Variants in CKM observed in about 807,000 individuals in gnomAD.
CKM encodes creatine kinase M-type.
Under a neutral mutation model 35.4 loss-of-function variants are expected in CKM, and 28 were observed. That is an observed-to-expected ratio of 0.79 (90% CI 0.59 to 1.08). The LOEUF (loss-of-function observed/expected upper bound fraction) is 1.08. CKM is among the 50% of genes least tolerant of loss of function. The probability of loss-of-function intolerance (pLI) is 0.00; values close to 1 mark genes in which losing one functional copy is unlikely to be tolerated. For missense variants in CKM, 484 were observed against 509.8 expected, an observed-to-expected ratio of 0.95 and a Z score of 0.49; for synonymous variants, 215 against 204.4, an observed-to-expected ratio of 1.05 and a Z score of -0.44.
chr19:45,319,299 G>A (rs1205611335), intron 2 of CKM, among the ~76,000 whole-genome samples: 2 of 152,218 alleles, frequency 1.3e-5, no homozygotes, highest in Non-Finnish European at 2.9e-5. Flanking sequence ...CCTCCTTGGG[G>A]ATCTCACATT....
rs1251729483 is a variant in CKM at position 45,306,627 on chromosome 19, G to A, written c.*123C>T. ...TGAAACTGGAACTCTGAGAAGGGTG[G>A]AGAGAGCCCCCAGGTGGGACTCTGG... is the stretch of plus-strand genomic sequence containing the variant. On this transcript the variant is annotated 3_prime_UTR_variant, in exon 8 of 8. Transcript: ENST00000221476. This position sits in a 1 kb window ranked among gnomAD's most constrained non-coding sequence, Gnocchi z 4.5. The A allele has an allele frequency of 4.1e-6, 4 of 984,620 alleles. No homozygotes were observed. The highest frequency in any genetic ancestry group is 1.8e-5 in the Admixed American group (1 of 56,170). 61.0% of individuals were successfully genotyped at this position (984,620 alleles called of 1,614,324 possible). A position where few individuals can be genotyped will look rare whatever the true frequency, so the allele number is the denominator to read the frequency against.
chr19:45,312,054 C>A (rs947966267), intron 4 of CKM, 134 bp from the exon 5 acceptor site: 5 of 974,888 alleles, frequency 5.1e-6, no homozygotes, highest in Non-Finnish European at 7.9e-6. Flanking sequence ...GGCACCTGAA[C>A]CCTGTGTCTA....
rs774126858 is a variant in CKM, at chr19:45,306,952, G to A, written c.968-24C>T. Reference sequence around the variant, plus strand: ...ACCTGTGGGAGCAAGGGACAGGGGCGTGAAGAGGCAGCGAAGGTGCAGAGG... The same window carrying A: ...ACCTGTGGGAGCAAGGGACAGGGGCATGAAGAGGCAGCGAAGGTGCAGAGG... On this transcript the variant is annotated intron_variant, in intron 7 of 7. Transcript: ENST00000221476. The surrounding 1 kb of genome is among the most constrained non-coding windows in gnomAD (Gnocchi z 4.5). 1.2e-5 allele frequency: 19 copies of A among 1,612,090 alleles called. No individual in the cohort carries two copies. Among genetic ancestry groups the A allele is most frequent in the African/African-American group, 5.3e-5 (4 of 74,936 alleles).
rs896089502 is a variant in CKM, at chr19:45,319,425, GGCCCC to G, written c.193+91_193+95del. Reference sequence around the variant, plus strand: ...CCCATTTTACAGATGAGAAAACTGAGGCCCCCCCCCCTTCAAGGGTGGTGGGATTG... The same window carrying G: ...CCCATTTTACAGATGAGAAAACTGAGCCCCCCTTCAAGGGTGGTGGGATTG... On this transcript the variant is annotated intron_variant, in intron 2 of 7. Coordinates refer to ENST00000221476, the MANE Select transcript of CKM (RefSeq NM_001824.5). The G allele has an allele frequency of 4.2e-6, 4 of 941,868 alleles. No individual in the cohort carries two copies. The African/African-American group carries it at 6.6e-5, about 16-fold the overall frequency. 58.3% of individuals were successfully genotyped at this position (941,868 alleles called of 1,614,324 possible). A position where few individuals can be genotyped will look rare whatever the true frequency, so the allele number is the denominator to read the frequency against.
At chr19:45,310,160 G>A (rs958429509) in intron 5 of CKM, among the ~76,000 whole-genome samples, 9 of 115,436 alleles carry the variant, frequency 7.8e-5, no homozygotes, top group Non-Finnish European at 1.2e-4. Flanking sequence ...TTGGTCTGTC[G>A]CCCAGGCTGG....
In CKM at chr19:45,306,979, G is replaced by T. The variant is rs765847922; in HGVS notation, c.968-51C>A. Reference sequence around the variant, plus strand: ...GAAGAGGCAGCGAAGGTGCAGAGGGGCTGGGACGTGGCCCCCGTGCCAAAT... The same window carrying T: ...GAAGAGGCAGCGAAGGTGCAGAGGGTCTGGGACGTGGCCCCCGTGCCAAAT... On this transcript the variant is annotated intron_variant, in intron 7 of 7. Coordinates refer to ENST00000221476, the MANE Select transcript of CKM (RefSeq NM_001824.5). This position sits in a 1 kb window ranked among gnomAD's most constrained non-coding sequence, Gnocchi z 4.5. The T allele has an allele frequency of 1.3e-6, 2 of 1,594,718 alleles. No individual in the cohort carries two copies. The highest frequency in any genetic ancestry group is 1.7e-6 in the Non-Finnish European group (2 of 1,168,258).
intron 4 of CKM, among the ~76,000 whole-genome samples, chr19:45,313,331 G>A (rs1015597773): frequency 3.9e-5 from 6 of 152,018 alleles, no homozygotes; most frequent in African/African-American, 1.4e-4. Flanking sequence ...ATTTTGGGGG[G>A]TGCCACCGAC....
At chr19:45,311,168 G>A (rs1289545764) in intron 5 of CKM, among the ~76,000 whole-genome samples, 1 of 149,864 alleles carries the variant, frequency 6.7e-6, no homozygotes. Flanking sequence ...CCCTCCTGCT[G>A]CAGCCTCCCA....
intron 1 of CKM, among the ~76,000 whole-genome samples, chr19:45,322,092 G>A (rs1971218175): frequency 6.6e-6 from 1 of 151,946 alleles, no homozygotes; most frequent in African/African-American, 2.4e-5. Flanking sequence ...GGGAGGACAC[G>A]GGTCCAGGCC....
intron 6 of CKM, 30 bp downstream of exon 6, chr19:45,308,379 A>G (rs1971075466): frequency 6.2e-7 from 1 of 1,613,872 alleles, no homozygotes; most frequent in African/African-American, 1.3e-5. Context: ...AGGTGGAGTC[A>G]GAAGTCAGCA....
intron 3 of CKM, among the ~76,000 whole-genome samples, chr19:45,316,271 C>T (rs1418552861): frequency 1.3e-5 from 2 of 149,184 alleles, no homozygotes; most frequent in South Asian, 2.1e-4. Flanking sequence ...CAGGGGTTTC[C>T]GTGAGCTGAG....
At chr19:45,311,626 G>T (rs746306493) in intron 5 of CKM, 123 bp downstream of exon 5, 3 of 815,048 alleles carry the variant, frequency 3.7e-6, no homozygotes, top group African/African-American at 1.7e-5. Context: ...ATCATTTTCC[G>T]TGGCATTTAG....
chr19:45,322,429 G>A (rs940940976), intron 1 of CKM, among the ~76,000 whole-genome samples: 4 of 152,198 alleles, frequency 2.6e-5, no homozygotes, highest in Admixed American at 2.6e-4. Context: ...ACCTGCTCTT[G>A]CAGACTCTGC....
chr19:45,312,439 T>C (rs1050502028), intron 4 of CKM, among the ~76,000 whole-genome samples: 3 of 150,768 alleles, frequency 2.0e-5, no homozygotes. Context: ...TTTTTTTTTA[T>C]GAGACGGAGT....
At chr19:45,320,304 C>T (rs891104149) in intron 1 of CKM, among the ~76,000 whole-genome samples, 3 of 150,404 alleles carry the variant, frequency 2.0e-5, no homozygotes, top group South Asian at 2.1e-4. Context: ...TACTGGTTGG[C>T]CAGGCTGGTC....
intron 5 of CKM, 99 bp downstream of exon 5, chr19:45,311,650 C>T (rs7260359): frequency 0.48 from 466,771 of 967,558 alleles, 119,994 homozygotes; most frequent in African/African-American, 0.78. Context: ...ATCATAATTA[C>T]GTATATGGCC....
intron 7 of CKM, 125 bp from the exon 8 acceptor site, chr19:45,307,053 C>A (rs1599813221): frequency 1.1e-6 from 1 of 897,778 alleles, no homozygotes; most frequent in Non-Finnish European, 1.8e-6. Flanking sequence ...GTTACCTGCA[C>A]ACAGGTAATG....
intron 4 of CKM, 80 bp from the exon 5 acceptor site, chr19:45,312,000 C>A (rs1199977998): frequency 1.3e-6 from 2 of 1,516,016 alleles, no homozygotes; most frequent in African/African-American, 2.7e-5. Context: ...TCCCCTGCTG[C>A]TGCTCCTAAC....
chr19:45,307,466 C>G lies in CKM; in HGVS notation c.962G>C (p.Gly321Ala). ...ILTRLRLQKR[G>A]TGGVDTAAVG... ...AAAGGATGTGGGAGCCGTACCTGTA[C>G]CCCTCTTCTGCAGACGCAGGCGGGT... The change falls in exon 7 of 8, where the codon GGT becomes GCT. Residue 321 changes from glycine (G) to alanine (A), a missense_variant. Coordinates refer to ENST00000221476, the MANE Select transcript of CKM (RefSeq NM_001824.5). The G allele has an allele frequency of 6.2e-7, 1 of 1,613,816 alleles. No individual in the cohort carries two copies. Among genetic ancestry groups the G allele is most frequent in the South Asian group, 1.1e-5 (1 of 91,030 alleles).
Sources: gnomAD v4.1 joint callset for allele counts (sites outside exome capture counted in the v4.1 genomes callset) on GRCh38, gnomAD v4.1.1 for gene constraint, Gnocchi (gnomAD v3.1) non-coding constraint, MANE v1.5 for transcripts, NCBI Gene and HGNC (gene_info 2026-07-23, HGNC 2026-07-21) for gene names.